The following PCDHGA6 variants were observed in gnomAD, a reference collection of about 807,000 sequenced individuals.
PCDHGA6 encodes protocadherin gamma subfamily A, 6, also known as protocadherin gamma-A6.
In PCDHGA6, 41 loss-of-function variants were observed where a neutral mutation model predicts 60.6. The observed-to-expected ratio is 0.68, with a 90% CI of 0.53 to 0.88. The LOEUF (loss-of-function observed/expected upper bound fraction) is 0.88, where lower values mean the gene tolerates loss of function less well. PCDHGA6 is among the 40% of genes least tolerant of loss of function. The pLI, the probability that PCDHGA6 is intolerant of heterozygous loss-of-function variation, is 0.00. For missense variants in PCDHGA6, 1,312 were observed against 1,203.0 expected, an observed-to-expected ratio of 1.09 and a Z score of -1.34; for synonymous variants, 594 against 524.4, an observed-to-expected ratio of 1.13 and a Z score of -1.81.
chr5:141,387,923 G>T lies in PCDHGA6; in HGVS notation c.2424+11416G>T, dbSNP rs2091157364. The T allele has an allele frequency of 2.7e-6, 4 of 1,475,394 alleles. No individual in the cohort carries two copies. In the Admixed American group the frequency reaches 1.1e-4, roughly 39 times the overall value. 91.4% of individuals were successfully genotyped at this position (1,475,394 alleles called of 1,614,324 possible). On this transcript the variant is annotated intron_variant, in intron 1 of 3. Coordinates refer to ENST00000517434, the MANE Select transcript of PCDHGA6 (RefSeq NM_018919.3). ...CCGGGGAGCTGGGCCGGGCTGAGAG[G>T]CTGCCAGTGCTCTTTCTCTTCCTGC...
intron 1 of PCDHGA6, among the ~76,000 whole-genome samples, chr5:141,469,967 C>G (rs2099217411): frequency 6.6e-6 from 1 of 152,124 alleles, no homozygotes; most frequent in Admixed American, 6.6e-5. Flanking sequence ...CCCATCTGTA[C>G]CAAAAATACA....
At chr5:141,492,242 C>G (rs2099738685) in intron 1 of PCDHGA6, among the ~76,000 whole-genome samples, 1 of 152,190 alleles carries the variant, frequency 6.6e-6, no homozygotes, top group Admixed American at 6.5e-5. Flanking sequence ...GCTGGCCACC[C>G]CCACGGCCCA....
At position 141,485,464 on chromosome 5, in the gene PCDHGA6, G is replaced by A. The variant is rs2099614016; in HGVS notation, c.2425-9343G>A. ...CAATCGACCGAGAGGCACTGTGTGG[G>A]CTCAGTGCCAGCTGCATCGTGCCCC... is the stretch of plus-strand genomic sequence containing the variant. On this transcript the variant is annotated intron_variant, in intron 1 of 3. Coordinates refer to ENST00000517434, the MANE Select transcript of PCDHGA6 (RefSeq NM_018919.3). The surrounding 1 kb of genome is among the most constrained non-coding windows in gnomAD (Gnocchi z 5.7). 6.2e-7 allele frequency: 1 copy of A among 1,614,106 alleles called. No homozygotes were observed. The highest frequency in any genetic ancestry group is 8.5e-7 in the Non-Finnish European group (1 of 1,179,958).
At chr5:141,428,750 C>G (rs1282306626) in intron 1 of PCDHGA6, 1 of 154,730 alleles carries the variant, frequency 6.5e-6, no homozygotes, top group African/African-American at 2.4e-5. Flanking sequence ...ACTATTGCTT[C>G]AGGTTTGTTT....
intron 1 of PCDHGA6, among the ~76,000 whole-genome samples, chr5:141,470,205 G>T (rs934926584): frequency 6.6e-6 from 1 of 152,094 alleles, no homozygotes; most frequent in Non-Finnish European, 1.5e-5. Flanking sequence ...AAATATGAAG[G>T]CTAAACCATT....
intron 1 of PCDHGA6, among the ~76,000 whole-genome samples, chr5:141,381,193 T>C (rs1052848234): frequency 2.6e-5 from 4 of 152,260 alleles, no homozygotes; most frequent in African/African-American, 9.6e-5. Context: ...TAAGCTTTCT[T>C]AGTGTTAGTT....
At chr5:141,376,679 T>TTTTTG in intron 1 of PCDHGA6, 172 bp downstream of exon 1, 5 of 528,402 alleles carry the variant, frequency 9.5e-6, no homozygotes, top group Admixed American at 9.3e-5. Context: ...GGGTATCGTT[T>TTTTTG]TTTTTTTTTT....
chr5:141,476,820 T>C lies in PCDHGA6; in HGVS notation c.2425-17987T>C, dbSNP rs368919360. 6.2e-7 allele frequency: 1 copy of C among 1,613,594 alleles called. No individual in the cohort carries two copies. Among genetic ancestry groups the C allele is most frequent in the African/African-American group, 1.3e-5 (1 of 75,066 alleles). The stretch of plus-strand genomic sequence containing the variant: ...AGCCTGCCTATTCACATCAAGGTGC[T>C]GGACGCGAATGACAATGCGCCTGTC... On this transcript the variant is annotated intron_variant, in intron 1 of 3. Transcript: ENST00000517434. This position sits in a 1 kb window ranked among gnomAD's most constrained non-coding sequence, Gnocchi z 7.6.
intron 1 of PCDHGA6, among the ~76,000 whole-genome samples, chr5:141,448,430 T>C (rs1468604001): frequency 6.6e-6 from 1 of 152,186 alleles, no homozygotes; most frequent in African/African-American, 2.4e-5. Flanking sequence ...TATGTATATA[T>C]TGAGAAGTCT....
At chr5:141,388,448 C>T in intron 1 of PCDHGA6, 1 of 1,613,760 alleles carries the variant, frequency 6.2e-7, no homozygotes, top group Non-Finnish European at 8.5e-7. Context: ...AATCAGATGG[C>T]AGTAAATACC....
rs544678317 is a variant in PCDHGA6, at chr5:141,430,911, A to C, written c.2424+54404A>C. The C allele has an allele frequency of 1.9e-5, 31 of 1,607,958 alleles. No homozygotes were observed. The Admixed American group carries it at 2.2e-4, about 11-fold the overall frequency. ...TCTAGGGTGGGCGACATCTCCAGGG[A>C]CCTGGGGCTGGAGCCCCGGGAGCTC... On this transcript the variant is annotated intron_variant, in intron 1 of 3. Transcript: ENST00000517434.
rs570765907 is a variant in PCDHGA6, at chr5:141,414,583, G to T, written c.2424+38076G>T. The T allele has an allele frequency of 5.6e-6, 9 of 1,613,854 alleles. No individual in the cohort carries two copies. In the South Asian group the frequency reaches 8.8e-5, roughly 16 times the overall value. On this transcript the variant is annotated intron_variant, in intron 1 of 3. Coordinates refer to ENST00000517434, the MANE Select transcript of PCDHGA6 (RefSeq NM_018919.3). Reference sequence around the variant, plus strand: ...CTTTACCTATATCCCAGAGAACAACGCCAGGGGTGCCTCCATCTTCTCAGT... The same window carrying T: ...CTTTACCTATATCCCAGAGAACAACTCCAGGGGTGCCTCCATCTTCTCAGT...
rs762414791 is a variant in PCDHGA6 at position 141,418,601 on chromosome 5, A to G, written c.2424+42094A>G. The G allele has an allele frequency of 3.5e-5, 57 of 1,613,930 alleles. No individual in the cohort carries two copies. The highest frequency in any genetic ancestry group is 1.7e-6 in the Non-Finnish European group (2 of 1,179,902). On this transcript the variant is annotated intron_variant, in intron 1 of 3. Coordinates refer to ENST00000517434, the MANE Select transcript of PCDHGA6 (RefSeq NM_018919.3). ...CCCAGTGTTCAGCCAGGACGTGTAC[A>G]GGGTTAGCCTTCGGGAAGACGTGCC...
Position 141,487,424 on chromosome 5 carries a change from C to T in PCDHGA6, c.2425-7383C>T, listed in dbSNP as rs759893122. 5 of 1,613,982 alleles carry T rather than the reference C, an allele frequency of 3.1e-6. No individual in the cohort carries two copies. The highest frequency in any genetic ancestry group is 1.7e-5 in the Admixed American group (1 of 60,000). On this transcript the variant is annotated intron_variant, in intron 1 of 3. Transcript: ENST00000517434. The surrounding 1 kb of genome is among the most constrained non-coding windows in gnomAD (Gnocchi z 5.0). ...GCTTCCCCCTTCCAATGGGATCCTC[C>T]GAATCCAGCTAGGGTCAGATGACCC...
At chr5:141,418,535 G>GC in intron 1 of PCDHGA6, 1 of 1,614,002 alleles carries the variant, frequency 6.2e-7, no homozygotes, top group Non-Finnish European at 8.5e-7. Context: ...AAGCGGTACT[G>GC]CTCAGATAAG....
chr5:141,393,194 C>T (rs770162660), intron 1 of PCDHGA6: 4 of 1,613,360 alleles, frequency 2.5e-6, no homozygotes, highest in Non-Finnish European at 2.5e-6. Flanking sequence ...TTGATATTAA[C>T]GATAATAACC....
intron 1 of PCDHGA6, chr5:141,415,605 G>T: frequency 1.2e-6 from 2 of 1,613,122 alleles, no homozygotes; most frequent in Non-Finnish European, 1.7e-6. Flanking sequence ...ATACCCCATT[G>T]GTTCCAGTGA....
rs755837851 is a variant in PCDHGA6, at chr5:141,376,241, C to G, written c.2158C>G (p.His720Asp). Residue 720 changes from histidine to aspartate, a missense_variant, in exon 1 of 4, where the codon CAC (histidine) becomes GAC (aspartate). By Grantham distance (81) the His-to-Asp change is moderately conservative. Coordinates refer to ENST00000517434, the MANE Select transcript of PCDHGA6 (RefSeq NM_018919.3). ...VLLALRLQRWHKSRLLQASGG... is the reference protein window; with the variant it reads ...VLLALRLQRWDKSRLLQASGG... ...GCTGGCGCTCAGACTGCAGCGCTGG[C>G]ACAAGTCACGCCTGCTGCAGGCTTC... 1.9e-6 allele frequency: 3 copies of G among 1,614,236 alleles called. No homozygotes were observed. The South Asian group carries it at 3.3e-5, about 18-fold the overall frequency.
intron 1 of PCDHGA6, chr5:141,383,358 G>C (rs773383689): frequency 8.7e-6 from 14 of 1,613,864 alleles, no homozygotes; most frequent in Middle Eastern, 1.6e-4. Context: ...TTCGGTTTCC[G>C]TTAAGCGAGG....
Sources: allele counts gnomAD v4.1 joint callset (sites outside exome capture counted in the v4.1 genomes callset), GRCh38; gene constraint gnomAD v4.1.1; non-coding constraint Gnocchi (gnomAD v3.1); transcripts MANE v1.5; gene names NCBI Gene and HGNC (gene_info 2026-07-23, HGNC 2026-07-21).